CADPS: variants seen among roughly 807,000 people sequenced by gnomAD.
The protein encoded by CADPS is calcium dependent secretion activator, also known as calcium-dependent secretion activator 1.
Under a neutral mutation model 167.3 loss-of-function variants are expected in CADPS, and 57 were observed. The ratio of observed to expected loss-of-function variants is 0.34; its 90% CI spans 0.28 to 0.42. CADPS has a LOEUF of 0.42. CADPS is among the 20% of genes least tolerant of loss of function. The probability of loss-of-function intolerance (pLI) is 1.00; values close to 1 mark genes in which losing one functional copy is unlikely to be tolerated. For missense variants in CADPS, 1,414 were observed against 1,738.1 expected, an observed-to-expected ratio of 0.81 and a Z score of 3.32; for synonymous variants, 676 against 635.3, an observed-to-expected ratio of 1.06 and a Z score of -0.96.
chr3:62,680,455 T>C (rs866994114), intron 3 of CADPS, among the ~76,000 whole-genome samples: 13 of 152,012 alleles, frequency 8.6e-5, no homozygotes, highest in Admixed American at 7.9e-4. Context: ...CCTCAGCATC[T>C]CCTTGACTTT....
chr3:62,645,262 G>T (rs1417088737), intron 6 of CADPS, among the ~76,000 whole-genome samples: 3 of 152,100 alleles, frequency 2.0e-5, no homozygotes, highest in Non-Finnish European at 4.4e-5. Context: ...TATTGCTCGG[G>T]TGATGACACC....
At chr3:62,646,485 C>CT in intron 5 of CADPS, among the ~76,000 whole-genome samples, 1 of 152,258 alleles carries the variant, frequency 6.6e-6, no homozygotes, top group African/African-American at 2.4e-5. Flanking sequence ...CTCTTATTTT[C>CT]TTTAAAAATA....
At chr3:62,603,835 T>G (rs371025815) in intron 6 of CADPS, among the ~76,000 whole-genome samples, 1 of 148,750 alleles carries the variant, frequency 6.7e-6, no homozygotes, top group African/African-American at 2.5e-5. Flanking sequence ...GTATGCTGTG[T>G]TTTTTTTTTG....
At chr3:62,603,566 C>T (rs900351302) in intron 6 of CADPS, among the ~76,000 whole-genome samples, 2 of 152,130 alleles carry the variant, frequency 1.3e-5, no homozygotes, top group Non-Finnish European at 2.9e-5. Flanking sequence ...TTGGCCAAGT[C>T]ATTGGCAGAG....
rs535421796 is a variant in CADPS at position 62,631,861 on chromosome 3, T to C, written c.1325+13861A>G. 4.5e-4 allele frequency among the ~76,000 whole-genome samples: 68 copies of C among 152,024 alleles called. 1 individual carries two copies. The South Asian group carries it at 0.014, about 31-fold the overall frequency. On this transcript the variant is annotated intron_variant, in intron 6 of 29. Transcript: ENST00000383710. ...ATGGTAGAAGCCGAAGAGATAGAGG[T>C]CTCCCAAAAACAAATATAGCAAGTG... is the stretch of plus-strand genomic sequence containing the variant.
At chr3:62,680,680 A>G (rs2077019662) in intron 3 of CADPS, among the ~76,000 whole-genome samples, 1 of 152,050 alleles carries the variant, frequency 6.6e-6, no homozygotes. Context: ...GATCTAAAGC[A>G]CACATCTGGT....
At chr3:62,751,440 T>C (rs941467471) in intron 3 of CADPS, among the ~76,000 whole-genome samples, 2 of 133,640 alleles carry the variant, frequency 1.5e-5, no homozygotes, top group African/African-American at 5.2e-5. Flanking sequence ...GAAGAAGTAC[T>C]TTATCTTGTA....
At position 62,553,209 on chromosome 3, in the gene CADPS, T is replaced by C. The variant is rs138473934; in HGVS notation, c.1754-3094A>G. Among the ~76,000 whole-genome samples, 1,054 of 152,302 alleles carry C rather than the reference T, an allele frequency of 6.9e-3. 13 individuals are homozygous for C. Among genetic ancestry groups the C allele is most frequent in the African/African-American group, 0.024 (1,014 of 41,556 alleles). ...CCAGGGCCTGCTGCTGGGGTAGAGA[T>C]ACTGTATTTCTGGAGCTACCGTCAG... On this transcript the variant is annotated intron_variant, in intron 10 of 29. Coordinates refer to ENST00000383710, the MANE Select transcript of CADPS (RefSeq NM_003716.4).
At chr3:62,402,144 A>T (rs1381287878) in intron 29 of CADPS, among the ~76,000 whole-genome samples, 1 of 149,556 alleles carries the variant, frequency 6.7e-6, no homozygotes, top group Non-Finnish European at 1.5e-5. Context: ...AATTCTCCTT[A>T]ATTACACACA....
intron 16 of CADPS, among the ~76,000 whole-genome samples, chr3:62,513,289 C>A (rs2068258058): frequency 6.6e-6 from 1 of 152,000 alleles, no homozygotes; most frequent in East Asian, 1.9e-4. Context: ...GCATTGCTCC[C>A]CAGCCTAGCT....
intron 10 of CADPS, among the ~76,000 whole-genome samples, chr3:62,553,888 T>C (rs2077697096): frequency 6.6e-6 from 1 of 152,164 alleles, no homozygotes; most frequent in Non-Finnish European, 1.5e-5. Flanking sequence ...ATGTGTGACC[T>C]CAAATGGGCT....
chr3:62,599,969 T>C (rs2059722120), intron 6 of CADPS, among the ~76,000 whole-genome samples: 1 of 122,034 alleles, frequency 8.2e-6, no homozygotes, highest in South Asian at 2.3e-4. Context: ...ATGATATACA[T>C]GGCACCCAAC....
intron 6 of CADPS, among the ~76,000 whole-genome samples, chr3:62,611,608 A>C (rs1010821329): frequency 1.3e-5 from 2 of 152,146 alleles, no homozygotes; most frequent in African/African-American, 4.8e-5. Context: ...TTGAACCTTC[A>C]CTGTCTCTGA....
chr3:62,593,100 A>G (rs2086426421), intron 6 of CADPS, among the ~76,000 whole-genome samples: 1 of 152,224 alleles, frequency 6.6e-6, no homozygotes, highest in Non-Finnish European at 1.5e-5. Flanking sequence ...TGACTTCCTC[A>G]TTCATGGAAA....
At chr3:62,605,949 G>C (rs185926220) in intron 6 of CADPS, among the ~76,000 whole-genome samples, 1 of 152,296 alleles carries the variant, frequency 6.6e-6, no homozygotes, top group African/African-American at 2.4e-5. Context: ...ATCGGGGCTT[G>C]AATTTGGGTC....
At chr3:62,445,837 T>C (rs1324870545) in intron 26 of CADPS, 40 bp from the exon 27 acceptor site, 1 of 1,434,544 alleles carries the variant, frequency 7.0e-7, no homozygotes, top group Non-Finnish European at 9.2e-7. Flanking sequence ...GGCTGGTGTT[T>C]ATGTTTAATT....
chr3:62,592,861 G>GTCACA, intron 6 of CADPS, 113 bp from the exon 7 acceptor site: 1 of 627,328 alleles, frequency 1.6e-6, no homozygotes, highest in Non-Finnish European at 2.7e-6. Context: ...AGCATTAGCT[G>GTCACA]TCACATCCTC....
chr3:62,836,377 A>T (rs1236343058), intron 1 of CADPS, among the ~76,000 whole-genome samples: 4 of 152,174 alleles, frequency 2.6e-5, no homozygotes, highest in Admixed American at 2.0e-4. Context: ...GTCCTCCAAT[A>T]GCACTTGGTC....
At chr3:62,432,665 C>T (rs1287633335) in intron 28 of CADPS, among the ~76,000 whole-genome samples, 4 of 152,078 alleles carry the variant, frequency 2.6e-5, no homozygotes, top group Admixed American at 1.3e-4. Context: ...CCTCAGAGCT[C>T]GATGCTGCAG....
Sources: gnomAD v4.1 joint callset for allele counts (sites outside exome capture counted in the v4.1 genomes callset) on GRCh38, gnomAD v4.1.1 for gene constraint, MANE v1.5 for transcripts, NCBI Gene and HGNC (gene_info 2026-07-23, HGNC 2026-07-21) for gene names.